The following PRR5L variants were observed in gnomAD, a reference collection of about 807,000 sequenced individuals.
PRR5L encodes the protein proline rich 5 like, also known as proline-rich protein 5-like.
Under a neutral mutation model 36.4 loss-of-function variants are expected in PRR5L, and 21 were observed. The observed-to-expected ratio is 0.58, with a 90% CI of 0.41 to 0.83. The LOEUF (loss-of-function observed/expected upper bound fraction) is 0.83. PRR5L is among the 40% of genes least tolerant of loss of function. The probability of loss-of-function intolerance (pLI) is 0.00; values close to 1 mark genes in which losing one functional copy is unlikely to be tolerated. For missense variants in PRR5L, 381 were observed against 473.3 expected (o/e 0.80, Z 1.81); for synonymous variants, 188 against 197.0 (o/e 0.95, Z 0.38).
rs3083243 is a variant in PRR5L, at chr11:36,326,302, TACACACACACACAC to T, written c.-126+29886_-126+29899del. On this transcript the variant is annotated intron_variant, in intron 1 of 8. Coordinates refer to ENST00000530639, the MANE Select transcript of PRR5L (RefSeq NM_001160167.2). ...CACTTTAGTGTGTCTCCCCAATAGA[TACACACACACACAC>T]ACACACACACACACACACACAGGCA... Among the ~76,000 whole-genome samples the T allele has an allele frequency of 2.7e-5, 4 of 147,490 alleles. No individual in the cohort carries two copies. In the South Asian group the frequency reaches 6.5e-4, roughly 24 times the overall value.
At chr11:36,349,579 C>G (rs968970984) in intron 1 of PRR5L, among the ~76,000 whole-genome samples, 2 of 152,138 alleles carry the variant, frequency 1.3e-5, no homozygotes, top group Non-Finnish European at 2.9e-5. Flanking sequence ...CTCTGGAATC[C>G]CGTGGTGCCC....
chr11:36,379,905 CAGGT>C (rs796811049), intron 1 of PRR5L, among the ~76,000 whole-genome samples: 38 of 152,294 alleles, frequency 2.5e-4, no homozygotes, highest in African/African-American at 8.2e-4. Context: ...CCCAACAACT[CAGGT>C]AGGAAGGTAT....
At chr11:36,376,511 A>AGGAGGGAGGGAC (rs1441968038) in intron 1 of PRR5L, 1 of 1,025,882 alleles carries the variant, frequency 9.7e-7, no homozygotes, top group African/African-American at 1.7e-5. Flanking sequence ...GAGCTGGGGG[A>AGGAGGGAGGGAC]GGAGGGAGGG....
chr11:36,315,164 A>G (rs1233588955), intron 1 of PRR5L, among the ~76,000 whole-genome samples: 4 of 152,322 alleles, frequency 2.6e-5, no homozygotes, highest in Admixed American at 1.3e-4. Flanking sequence ...ATCACTACAC[A>G]TTAGTCTCCT....
intron 1 of PRR5L, chr11:36,376,244 TG>T: frequency 8.1e-7 from 1 of 1,227,750 alleles, no homozygotes. Flanking sequence ...TGAAGTGAGT[TG>T]GGGGACATTG....
intron 3 of PRR5L, among the ~76,000 whole-genome samples, chr11:36,410,878 A>G (rs903020499): frequency 1.3e-5 from 2 of 152,222 alleles, no homozygotes; most frequent in African/African-American, 4.8e-5. Context: ...CTAGATGGGC[A>G]CTGACCAGCT....
intron 1 of PRR5L, among the ~76,000 whole-genome samples, chr11:36,380,956 A>G (rs1857357305): frequency 6.6e-6 from 1 of 152,224 alleles, no homozygotes; most frequent in Non-Finnish European, 1.5e-5. Flanking sequence ...GCCTACGGGA[A>G]GACCTTGTAA....
intron 1 of PRR5L, among the ~76,000 whole-genome samples, chr11:36,350,947 TA>T (rs1565406414): frequency 0.26 from 3,090 of 11,952 alleles, 604 homozygotes; most frequent in East Asian, 0.54. Context: ...TTTATATATA[TA>T]TATTTATATA....
Position 36,378,661 on chromosome 11 carries a change from A to C in PRR5L, c.-125-22336A>C, listed in dbSNP as rs150937209. ...TTATTTCTGTGGGTGAAATTTCAAT[A>C]ATGTTCTGTCTTAGAACATTACAAA... is the stretch of plus-strand genomic sequence containing the variant. On this transcript the variant is annotated intron_variant, in intron 1 of 8. Transcript: ENST00000530639. Among the ~76,000 whole-genome samples, 230 of 152,270 alleles carry C rather than the reference A, an allele frequency of 1.5e-3. 4 individuals are homozygous for C. The highest frequency in any genetic ancestry group is 5.1e-3 in the African/African-American group (213 of 41,554).
chr11:36,451,150 AC>A (rs1858936237), intron 7 of PRR5L, 58 bp from the exon 8 acceptor site: 1 of 1,594,898 alleles, frequency 6.3e-7, no homozygotes, highest in African/African-American at 1.3e-5. Context: ...TTGAGTGAGA[AC>A]CTGCTGGTCA....
chr11:36,311,102 G>A (rs1856497764), intron 1 of PRR5L, among the ~76,000 whole-genome samples: 1 of 152,008 alleles, frequency 6.6e-6, no homozygotes, highest in Admixed American at 6.6e-5. Context: ...ATTACAGGGA[G>A]AATGGGAGGA....
chr11:36,455,666 G>A (rs973695452), intron 8 of PRR5L, among the ~76,000 whole-genome samples: 1 of 152,196 alleles, frequency 6.6e-6, no homozygotes, highest in Non-Finnish European at 1.5e-5. Flanking sequence ...TGGGTGACAG[G>A]GCCCTGCCTT....
At chr11:36,424,958 A>G (rs921772923) in intron 4 of PRR5L, among the ~76,000 whole-genome samples, 1 of 152,022 alleles carries the variant, frequency 6.6e-6, no homozygotes, top group Non-Finnish European at 1.5e-5. Flanking sequence ...AGTAGTTGGG[A>G]TTACAGGCGC....
chr11:36,390,464 G>A (rs1483274323), intron 1 of PRR5L, among the ~76,000 whole-genome samples: 2 of 152,212 alleles, frequency 1.3e-5, no homozygotes, highest in East Asian at 1.9e-4. Context: ...AGTGACATAA[G>A]CGTTGTGGGC....
intron 1 of PRR5L, among the ~76,000 whole-genome samples, chr11:36,342,375 G>A (rs886899217): frequency 1.3e-5 from 2 of 152,132 alleles, no homozygotes; most frequent in Non-Finnish European, 2.9e-5. Flanking sequence ...AAAGGGGAGT[G>A]TTATTATTAT....
At chr11:36,432,010 C>T (rs1858507306) in intron 5 of PRR5L, 100 bp downstream of exon 5, 11 of 1,016,760 alleles carry the variant, frequency 1.1e-5, no homozygotes, top group South Asian at 8.0e-5. Flanking sequence ...AGGCTCCAAG[C>T]GAGTGATTCA....
At chr11:36,359,715 G>T (rs567260) in intron 1 of PRR5L, among the ~76,000 whole-genome samples, 124,021 of 152,146 alleles carry the variant, frequency 0.82, 50,909 homozygotes, top group East Asian at 0.96. Flanking sequence ...ATCCAGACTG[G>T]TCTATAACAG....
Position 36,462,843 on chromosome 11 carries a change from A to G in PRR5L, c.*107A>G. On this transcript the variant is annotated 3_prime_UTR_variant, in exon 9 of 9. Coordinates refer to ENST00000530639, the MANE Select transcript of PRR5L (RefSeq NM_001160167.2). ...CTCTTGCTTTATGCGATGCTGCCTT[A>G]TTTCCTTTAGGGTACTGTCCTGGTC... The G allele has an allele frequency of 3.6e-6, 4 of 1,099,370 alleles. No individual in the cohort carries two copies. In the South Asian group the frequency reaches 6.7e-5, roughly 18 times the overall value. The allele number at this position is 1,099,370 out of a possible 1,614,324, so 68.1% of individuals were successfully genotyped here. A position where few individuals can be genotyped will look rare whatever the true frequency, so the allele number is the denominator to read the frequency against.
At position 36,446,579 on chromosome 11, in the gene PRR5L, G is replaced by GTTCA. The variant is rs1199989284; in HGVS notation, c.585+154_585+157dup. The stretch of plus-strand genomic sequence containing the variant: ...ACTACTATTTAGTTTGTTGGCCCGT[G>GTTCA]TTCATTCATTCATTCATTTGTTCAT... On this transcript the variant is annotated intron_variant, in intron 7 of 8. Transcript: ENST00000530639. 1.3e-5 allele frequency: 13 copies of GTTCA among 1,017,024 alleles called. No individual in the cohort carries two copies. In the African/African-American group the frequency reaches 1.9e-4, roughly 15 times the overall value. 63.0% of individuals were successfully genotyped at this position (1,017,024 alleles called of 1,614,324 possible).
Sources: allele counts gnomAD v4.1 joint callset (sites outside exome capture counted in the v4.1 genomes callset), GRCh38; gene constraint gnomAD v4.1.1; transcripts MANE v1.5; gene names NCBI Gene and HGNC (gene_info 2026-07-23, HGNC 2026-07-21).